HEPH: variants seen among roughly 807,000 people sequenced by gnomAD.
HEPH encodes the protein hephaestin.
A neutral mutation model predicts 80.8 loss-of-function variants in HEPH; 69 were observed. That is an observed-to-expected ratio of 0.85 (90% confidence interval 0.70 to 1.04). The LOEUF (loss-of-function observed/expected upper bound fraction) is 1.04. HEPH is among the 50% of genes least tolerant of loss of function. The pLI is 0.00. For missense variants in HEPH, 1,115 were observed against 891.3 expected, an observed-to-expected ratio of 1.25 and a Z score of -3.20; for synonymous variants, 431 against 322.8, an observed-to-expected ratio of 1.34 and a Z score of -3.60.
intron 15 of HEPH, among the ~76,000 whole-genome samples, chrX:66,250,871 A>G (rs1188432215): frequency 8.9e-6 from 1 of 111,762 alleles, no homozygotes; most frequent in Admixed American, 9.5e-5. Context: ...TAAAATTACT[A>G]TGACTATCTG....
chrX:66,242,074 A>G (rs1229896785), intron 15 of HEPH, among the ~76,000 whole-genome samples: 3 of 91,122 alleles, frequency 3.3e-5, no homozygotes, highest in East Asian at 7.3e-4. Context: ...TCCTAAGCAG[A>G]AAAAAAAAAA....
intron 15 of HEPH, among the ~76,000 whole-genome samples, chrX:66,221,389 G>T: frequency 8.9e-6 from 1 of 112,581 alleles, no homozygotes; most frequent in Non-Finnish European, 1.9e-5. Flanking sequence ...AGCAAGCTTT[G>T]GTACTTGGTT....
intron 4 of HEPH, among the ~76,000 whole-genome samples, chrX:66,177,327 G>A (rs1383457344): frequency 1.8e-5 from 2 of 111,646 alleles, no homozygotes; most frequent in Admixed American, 9.5e-5. Context: ...TGTCTGGTAG[G>A]ATTCCATGGT....
Position 66,170,577 on chromosome X carries a change from T to C in HEPH, c.7T>C (p.Ser3Pro). Reference protein sequence around the residue: MESGHLLWALLFM... With the variant: MEPGHLLWALLFM... Reference sequence around the variant, plus strand: ...TCCCAGAGTAATGTGGGCCATGGAGTCAGGCCACCTCCTCTGGGCTCTGCT... The same window carrying C: ...TCCCAGAGTAATGTGGGCCATGGAGCCAGGCCACCTCCTCTGGGCTCTGCT... Residue 3 changes from serine to proline, a missense_variant, in exon 2 of 21, where the codon TCA becomes CCA. Physicochemically the swap from Ser to Pro is moderately conservative, Grantham distance 74. Transcript: ENST00000343002. The C allele has an allele frequency of 8.3e-7, 1 of 1,208,856 alleles. No individual in the cohort carries two copies. Among genetic ancestry groups the C allele is most frequent in the Non-Finnish European group, 1.1e-6 (1 of 894,134 alleles).
At chrX:66,216,295 C>T (rs1013342578) in intron 15 of HEPH, among the ~76,000 whole-genome samples, 4 of 111,930 alleles carry the variant, frequency 3.6e-5, no homozygotes, top group South Asian at 3.8e-4. Context: ...AACCAATGCA[C>T]TTAATAAAAA....
chrX:66,177,207 G>A (rs1450828361), intron 4 of HEPH, among the ~76,000 whole-genome samples: 1 of 112,042 alleles, frequency 8.9e-6, no homozygotes, highest in Non-Finnish European at 1.9e-5. Flanking sequence ...GTTCTTTCCT[G>A]GTTTTGGTAT....
At chrX:66,232,808 A>G (rs1354950382) in intron 15 of HEPH, among the ~76,000 whole-genome samples, 1 of 111,136 alleles carries the variant, frequency 9.0e-6, no homozygotes, top group African/African-American at 3.3e-5. Context: ...CTATCAGTAA[A>G]TCTGATGCCA....
chrX:66,192,633 C>A (rs2087865211), intron 7 of HEPH, among the ~76,000 whole-genome samples: 1 of 111,937 alleles, frequency 8.9e-6, no homozygotes, highest in Non-Finnish European at 1.9e-5. Flanking sequence ...AGCTTTTATT[C>A]CAGGTTTCTT....
chrX:66,232,366 A>G (rs55769875), intron 15 of HEPH, among the ~76,000 whole-genome samples: 118 of 111,872 alleles, frequency 1.1e-3, no homozygotes, highest in Middle Eastern at 4.6e-3. Context: ...TTGTTACAAT[A>G]ATACTGCAGA....
intron 8 of HEPH, among the ~76,000 whole-genome samples, chrX:66,193,956 T>C (rs2087948106): frequency 8.9e-6 from 1 of 112,079 alleles, no homozygotes. Flanking sequence ...ATTTTTAGAA[T>C]TCCTTCTCTA....
intron 15 of HEPH, among the ~76,000 whole-genome samples, chrX:66,245,927 C>A (rs995414567): frequency 7.1e-5 from 8 of 112,154 alleles, no homozygotes; most frequent in Non-Finnish European, 1.3e-4. Flanking sequence ...TGTCTCTGTG[C>A]CTATGTTTCT....
chrX:66,166,616 G>A (rs886291277), intron 1 of HEPH, among the ~76,000 whole-genome samples: 2 of 112,220 alleles, frequency 1.8e-5, no homozygotes, highest in East Asian at 2.8e-4. Flanking sequence ...GAGGAGGATA[G>A]AAAGGATGTC....
At chrX:66,212,587 G>GT (rs1368894877) in intron 15 of HEPH, among the ~76,000 whole-genome samples, 4 of 111,868 alleles carry the variant, frequency 3.6e-5, no homozygotes, top group African/African-American at 1.3e-4. Flanking sequence ...TTTCTCCAAT[G>GT]TAAGTTTTTG....
chrX:66,243,532 A>C (rs948800547), intron 15 of HEPH, among the ~76,000 whole-genome samples: 15 of 113,049 alleles, frequency 1.3e-4, no homozygotes, highest in African/African-American at 4.5e-4. Flanking sequence ...ATTTTTATCC[A>C]TCTCTATACT....
chrX:66,238,718 A>C (rs1289738416), intron 15 of HEPH, among the ~76,000 whole-genome samples: 1 of 111,692 alleles, frequency 9.0e-6, no homozygotes, highest in Non-Finnish European at 1.9e-5. Flanking sequence ...CTGATGACAC[A>C]GAAGTATAGA....
chrX:66,245,627 G>T (rs1001163677), intron 15 of HEPH, among the ~76,000 whole-genome samples: 3 of 111,115 alleles, frequency 2.7e-5, no homozygotes, highest in Non-Finnish European at 5.7e-5. Context: ...GCACCAAGTG[G>T]ACCTAATAGA....
At position 66,198,931 on chromosome X, in the gene HEPH, G is replaced by C; in HGVS notation, c.1767G>C (p.Lys589Asn). 3.3e-6 allele frequency: 4 copies of C among 1,202,887 alleles called. No individual in the cohort carries two copies. The highest frequency in any genetic ancestry group is 4.5e-6 in the Non-Finnish European group (4 of 887,308). The change falls in exon 11 of 21, where the codon AAG becomes AAC. Residue 589 changes from lysine (K) to asparagine (N), a missense_variant. Physicochemically the swap from Lys to Asn is moderately conservative, Grantham distance 94. This residue lies in a region of HEPH where 716 missense variants were observed against 523.5 expected (regional missense o/e 1.37). Transcript: ENST00000343002. ...FLLFTVLDEN[K>N]SWYSNANQAA... ...TCTTCACTGTGTTGGATGAGAACAA[G>C]AGCTGGTACAGCAATGCCAATCAAG...
In HEPH at chrX:66,188,652, C is replaced by A. The variant is rs147837491; in HGVS notation, c.808+111C>A. 4,428 of 615,102 alleles carry A rather than the reference C, an allele frequency of 7.2e-3. 22 individuals are homozygous for A. Among genetic ancestry groups the A allele is most frequent in the Non-Finnish European group, 9.8e-3 (3,955 of 402,248 alleles). The allele number at this position is 615,102 out of a possible 1,213,427, so 50.7% of individuals were successfully genotyped here. A position where few individuals can be genotyped will look rare whatever the true frequency, so the allele number is the denominator to read the frequency against. On this transcript the variant is annotated intron_variant, in intron 5 of 20. Coordinates refer to ENST00000343002, the MANE Select transcript of HEPH (RefSeq NM_001367233.3). ...CATACATAGTCCTTTTTAGTCATCA[C>A]GAGGGCAAGGAGTAGTAGATGGCTC...
upstream of HEPH, among the ~76,000 whole-genome samples, chrX:66,163,581 G>A (rs1218622436): frequency 3.6e-5 from 4 of 111,082 alleles, no homozygotes; most frequent in Non-Finnish European, 7.5e-5. Flanking sequence ...CTGGTGGCCA[G>A]TAGGCTTTCA....
Sources: allele counts gnomAD v4.1 joint callset (sites outside exome capture counted in the v4.1 genomes callset), GRCh38; gene constraint gnomAD v4.1.1; regional missense constraint gnomAD v4.1.1; transcripts MANE v1.5; gene names NCBI Gene and HGNC (gene_info 2026-07-23, HGNC 2026-07-21).